RADIL: variants seen among roughly 807,000 people sequenced by gnomAD.
RADIL encodes the protein Rap associating with DIL domain, also known as ras-associating and dilute domain-containing protein.
In RADIL, 99 loss-of-function variants were observed where a neutral mutation model predicts 97.6. The observed-to-expected ratio is 1.01, with a 90% CI of 0.86 to 1.20. The LOEUF (loss-of-function observed/expected upper bound fraction) is 1.20. RADIL is among the 50% of genes most tolerant of loss of function. RADIL has a pLI of 0.00. For missense variants in RADIL, 1,765 were observed against 1,498.9 expected (o/e 1.18, Z -2.93); for synonymous variants, 803 against 691.8 (o/e 1.16, Z -2.52).
intron 4 of RADIL, among the ~76,000 whole-genome samples, chr7:4,833,433 G>A (rs1041452752): frequency 6.6e-5 from 10 of 152,094 alleles, no homozygotes; most frequent in East Asian, 5.8e-4. Context: ...ATGACTGCAC[G>A]GAGGGGACAC....
At chr7:4,860,544 G>A in intron 2 of RADIL, 1 of 1,614,156 alleles carries the variant, frequency 6.2e-7, no homozygotes, top group Non-Finnish European at 8.5e-7. Context: ...TTGGGTGCTG[G>A]AAATGACTGT....
rs991660200 is a variant in RADIL, at chr7:4,824,750, G to A, written c.1455-2196C>T. On this transcript the variant is annotated intron_variant, in intron 5 of 14. Transcript: ENST00000399583. The surrounding 1 kb of genome is among the most constrained non-coding windows in gnomAD (Gnocchi z 6.7). ...CTCCTTTTTGCCCATTCTGGACACT[G>A]GCTTGAAGGACACGCATGTCTGCAG... Among the ~76,000 whole-genome samples the A allele has an allele frequency of 6.6e-6, 1 of 152,210 alleles. No homozygotes were observed. The highest frequency in any genetic ancestry group is 2.4e-5 in the African/African-American group (1 of 41,458).
At position 4,883,133 on chromosome 7, in the gene RADIL, C is replaced by T. The variant is rs1331015481; in HGVS notation, c.-65+463G>A. 6.6e-6 allele frequency among the ~76,000 whole-genome samples: 1 copy of T among 152,246 alleles called. No homozygotes were observed. Among genetic ancestry groups the T allele is most frequent in the African/African-American group, 2.4e-5 (1 of 41,470 alleles). Reference sequence around the variant, plus strand: ...CGGGGTATGTGCAGGGGACGTCTCGCCGGCCCAGGTGGGAGAGCGCGCGGA... The same window carrying T: ...CGGGGTATGTGCAGGGGACGTCTCGTCGGCCCAGGTGGGAGAGCGCGCGGA... On this transcript the variant is annotated intron_variant, in intron 1 of 14. Coordinates refer to ENST00000399583, the MANE Select transcript of RADIL (RefSeq NM_018059.5). The surrounding 1 kb of genome is among the most constrained non-coding windows in gnomAD (Gnocchi z 7.1).
In RADIL at chr7:4,873,080, A is replaced by G. The variant is rs1261879336; in HGVS notation, c.535+4525T>C. ...CAAGTAGCTGGGATTACAGGTATGC[A>G]CCATCATGCCCGGCTACTTCTTTTA... On this transcript the variant is annotated intron_variant, in intron 2 of 14. Coordinates refer to ENST00000399583, the MANE Select transcript of RADIL (RefSeq NM_018059.5). The surrounding 1 kb of genome is among the most constrained non-coding windows in gnomAD (Gnocchi z 4.3). Among the ~76,000 whole-genome samples the G allele has an allele frequency of 1.3e-5, 2 of 152,104 alleles. No homozygotes were observed. The highest frequency in any genetic ancestry group is 2.4e-5 in the African/African-American group (1 of 41,414).
At chr7:4,799,820 C>T (rs1364011112) in intron 13 of RADIL, 51 bp from the exon 14 acceptor site, 1 of 1,450,254 alleles carries the variant, frequency 6.9e-7, no homozygotes, top group Non-Finnish European at 9.0e-7. Flanking sequence ...TGGCTGTCCC[C>T]AGCGAGGACC....
At chr7:4,810,620 G>A (rs529067287) in intron 9 of RADIL, among the ~76,000 whole-genome samples, 11 of 152,334 alleles carry the variant, frequency 7.2e-5, no homozygotes, top group South Asian at 4.1e-4. Flanking sequence ...ATCCCTAAGC[G>A]GGCCGTGGCG....
intron 2 of RADIL, among the ~76,000 whole-genome samples, chr7:4,843,550 T>C (rs1199511997): frequency 6.6e-6 from 1 of 152,174 alleles, no homozygotes; most frequent in Non-Finnish European, 1.5e-5. Flanking sequence ...TTGGTAAGCA[T>C]TTCTCTATGC....
At chr7:4,858,552 G>A (rs1296916320) in intron 2 of RADIL, 3 of 152,412 alleles carry the variant, frequency 2.0e-5, no homozygotes, top group East Asian at 1.9e-4. Flanking sequence ...TTGATAAATC[G>A]TTTAAAAATA....
rs901533196 is a variant in RADIL, at chr7:4,819,771, G to C, written c.1616-2420C>G. ...TCTGCCCCTCCGGCCCCTTCTAGGGGCTATTTCCCACTCTGTTCCCTGGTG... is the reference window on the plus strand; with the variant it reads ...TCTGCCCCTCCGGCCCCTTCTAGGGCCTATTTCCCACTCTGTTCCCTGGTG... On this transcript the variant is annotated intron_variant, in intron 6 of 14. Coordinates refer to ENST00000399583, the MANE Select transcript of RADIL (RefSeq NM_018059.5). This position sits in a 1 kb window ranked among gnomAD's most constrained non-coding sequence, Gnocchi z 5.8. 3.3e-5 allele frequency among the ~76,000 whole-genome samples: 5 copies of C among 152,212 alleles called. No homozygotes were observed. The highest frequency in any genetic ancestry group is 2.0e-4 in the Admixed American group (3 of 15,284).
intron 2 of RADIL, among the ~76,000 whole-genome samples, chr7:4,839,414 C>T (rs147174662): frequency 1.2e-4 from 18 of 152,032 alleles, no homozygotes; most frequent in African/African-American, 4.3e-4. Context: ...TATGGCCAAG[C>T]GTGTGGTCAG....
intron 9 of RADIL, among the ~76,000 whole-genome samples, chr7:4,807,605 CTCCT>C (rs1461548004): frequency 2.1e-5 from 2 of 94,128 alleles, no homozygotes; most frequent in Non-Finnish European, 4.3e-5. Context: ...CCTCCTCCCT[CTCCT>C]TCTCTCTCCC....
intron 10 of RADIL, 128 bp from the exon 11 acceptor site, chr7:4,803,882 A>T: frequency 1.2e-6 from 1 of 861,844 alleles, no homozygotes; most frequent in Non-Finnish European, 1.9e-6. Context: ...CCCTGTGGAC[A>T]CAGGAGGCTG....
At chr7:4,827,676 G>T (rs1167954729) in intron 5 of RADIL, among the ~76,000 whole-genome samples, 2 of 152,208 alleles carry the variant, frequency 1.3e-5, no homozygotes, top group South Asian at 2.1e-4. Flanking sequence ...CGAACAAAAA[G>T]AAATAAATAA....
rs1275415539 is a variant in RADIL at position 4,805,399 on chromosome 7, TGGGGC to T, written c.2290+162_2290+166del. 9.2e-4 allele frequency: 681 copies of T among 743,352 alleles called. 6 individuals are homozygous for T. In the African/African-American group the frequency reaches 0.011, roughly 12 times the overall value. The allele number at this position is 743,352 out of a possible 1,614,324, so 46.0% of individuals were successfully genotyped here. A position where few individuals can be genotyped will look rare whatever the true frequency, so the allele number is the denominator to read the frequency against. ...GGTCCCCGGATCCCCAGGTTGGGGATGGGGCGGGGCGGGGGGGTCCTCTGGGTGGA... is the reference window on the plus strand; with the variant it reads ...GGTCCCCGGATCCCCAGGTTGGGGATGGGGCGGGGGGGTCCTCTGGGTGGA... On this transcript the variant is annotated intron_variant, in intron 10 of 14. Coordinates refer to ENST00000399583, the MANE Select transcript of RADIL (RefSeq NM_018059.5).
rs200846334 is a variant in RADIL, at chr7:4,836,351, G to C, written c.783+7C>G. ...CCGGGCAGTGGGTGTCAGGAGGGGAGGCTCACGTGCTGCTGGCTGTAGCCC... is the reference window on the plus strand; with the variant it reads ...CCGGGCAGTGGGTGTCAGGAGGGGACGCTCACGTGCTGCTGGCTGTAGCCC... On this transcript the variant is annotated splice_region_variant and intron_variant, in intron 3 of 14. Transcript: ENST00000399583. 972 of 1,568,512 alleles carry C rather than the reference G, an allele frequency of 6.2e-4. 9 individuals are homozygous for C. The African/African-American group carries it at 0.011, about 17-fold the overall frequency.
rs955804980 is a variant in RADIL, at chr7:4,819,598, C to T, written c.1616-2247G>A. 1.3e-5 allele frequency among the ~76,000 whole-genome samples: 2 copies of T among 152,198 alleles called. No homozygotes were observed. The highest frequency in any genetic ancestry group is 1.3e-4 in the Admixed American group (2 of 15,284). On this transcript the variant is annotated intron_variant, in intron 6 of 14. Transcript: ENST00000399583. The surrounding 1 kb of genome is among the most constrained non-coding windows in gnomAD (Gnocchi z 5.8). ...AGGCGCACACGATGGTGTGAGGCGGCGCGGGAGGGGCCTGGGTCAGAGCTT... is the reference window on the plus strand; with the variant it reads ...AGGCGCACACGATGGTGTGAGGCGGTGCGGGAGGGGCCTGGGTCAGAGCTT...
intron 10 of RADIL, chr7:4,804,212 G>A (rs1032455872): frequency 4.0e-6 from 1 of 250,738 alleles, no homozygotes; most frequent in Non-Finnish European, 8.2e-6. Context: ...CCCAGGAACA[G>A]GAGCACCTTT....
rs1420761375 is a variant in RADIL at position 4,817,666 on chromosome 7, C to G, written c.1616-315G>C. Among the ~76,000 whole-genome samples the G allele has an allele frequency of 1.3e-5, 2 of 152,204 alleles. No homozygotes were observed. The highest frequency in any genetic ancestry group is 4.8e-5 in the African/African-American group (2 of 41,452). ...GTTCTGGATACGTTTTCTGTTACAA[C>G]CAACTGCACCCAACATAGCAGGTCC... On this transcript the variant is annotated intron_variant, in intron 6 of 14. Coordinates refer to ENST00000399583, the MANE Select transcript of RADIL (RefSeq NM_018059.5). The surrounding 1 kb of genome is among the most constrained non-coding windows in gnomAD (Gnocchi z 8.3).
At position 4,824,485 on chromosome 7, in the gene RADIL, G is replaced by C. The variant is rs1362478348; in HGVS notation, c.1455-1931C>G. 6.6e-6 allele frequency among the ~76,000 whole-genome samples: 1 copy of C among 152,230 alleles called. No individual in the cohort carries two copies. Among genetic ancestry groups the C allele is most frequent in the East Asian group, 1.9e-4 (1 of 5,200 alleles). On this transcript the variant is annotated intron_variant, in intron 5 of 14. Transcript: ENST00000399583. This position sits in a 1 kb window ranked among gnomAD's most constrained non-coding sequence, Gnocchi z 6.7. Reference sequence around the variant, plus strand: ...TGTTTTCCTCCCTGTTCTTTCCCCAGCTGGGCAGCCGAGCAGGGCTGGGGG... The same window carrying C: ...TGTTTTCCTCCCTGTTCTTTCCCCACCTGGGCAGCCGAGCAGGGCTGGGGG...
Sources: gnomAD v4.1 joint callset for allele counts (sites outside exome capture counted in the v4.1 genomes callset) on GRCh38, gnomAD v4.1.1 for gene constraint, Gnocchi (gnomAD v3.1) non-coding constraint, MANE v1.5 for transcripts, NCBI Gene and HGNC (gene_info 2026-07-23, HGNC 2026-07-21) for gene names.